The following TRUB1 variants were observed in gnomAD, a reference collection of about 807,000 sequenced individuals.
The protein encoded by TRUB1 is pseudouridylate synthase TRUB1.
A neutral mutation model predicts 33.9 loss-of-function variants in TRUB1; 23 were observed. That is an observed-to-expected ratio of 0.68 (90% CI 0.49 to 0.96). TRUB1 has a LOEUF of 0.96. Ranked by LOEUF, TRUB1 falls within the 40% of genes least tolerant of loss-of-function variation. The pLI is 0.00. For synonymous variants in TRUB1, 163 were observed against 165.4 expected (o/e 0.99, Z 0.11); for missense variants, 378 against 422.2 (o/e 0.90, Z 0.92).
intron 2 of TRUB1, among the ~76,000 whole-genome samples, chr10:114,946,837 G>C (rs2084213604): frequency 6.6e-6 from 1 of 152,098 alleles, no homozygotes; most frequent in South Asian, 2.1e-4. Context: ...GGGTTCACAA[G>C]TTTCTCAAAA....
chr10:114,958,752 A>G (rs2084272587), intron 3 of TRUB1, among the ~76,000 whole-genome samples: 1 of 152,252 alleles, frequency 6.6e-6, no homozygotes, highest in Non-Finnish European at 1.5e-5. Context: ...ACTAAGAATG[A>G]TCTAATTCTT....
chr10:114,945,584 C>A (rs2084207722), intron 2 of TRUB1, among the ~76,000 whole-genome samples: 1 of 152,206 alleles, frequency 6.6e-6, no homozygotes, highest in African/African-American at 2.4e-5. Context: ...CTTGTCCAAC[C>A]TTTGGCCTGT....
At chr10:114,945,782 A>C (rs1459263713) in intron 2 of TRUB1, among the ~76,000 whole-genome samples, 2 of 152,038 alleles carry the variant, frequency 1.3e-5, no homozygotes, top group African/African-American at 4.8e-5. Context: ...AAGATTGGAC[A>C]CTCTTGGCCT....
intron 4 of TRUB1, among the ~76,000 whole-genome samples, chr10:114,961,260 G>A (rs907498136): frequency 1.3e-5 from 2 of 152,006 alleles, no homozygotes; most frequent in Non-Finnish European, 2.9e-5. Context: ...TGGTAAGTTG[G>A]ACCAGGGTGC....
chr10:114,954,114 C>T (rs1479833495), intron 3 of TRUB1, among the ~76,000 whole-genome samples: 1 of 151,568 alleles, frequency 6.6e-6, no homozygotes, highest in Non-Finnish European at 1.5e-5. Flanking sequence ...GATCTAATGT[C>T]CACTTTTTCT....
intron 3 of TRUB1, among the ~76,000 whole-genome samples, chr10:114,957,915 A>C (rs1395349709): frequency 1.3e-5 from 2 of 152,224 alleles, no homozygotes; most frequent in Non-Finnish European, 2.9e-5. Context: ...CTGTAACCAG[A>C]TGAGTCAACT....
chr10:114,941,896 TG>T (rs980880229), intron 1 of TRUB1, among the ~76,000 whole-genome samples: 2 of 152,114 alleles, frequency 1.3e-5, no homozygotes, highest in African/African-American at 4.8e-5. Flanking sequence ...ACCATTCTCC[TG>T]CCTCAGCCTC....
intron 3 of TRUB1, among the ~76,000 whole-genome samples, chr10:114,953,240 A>G (rs1373903967): frequency 6.6e-6 from 1 of 152,234 alleles, no homozygotes; most frequent in African/African-American, 2.4e-5. Context: ...TGAATGTCAT[A>G]CAGTGAAATC....
rs1217611407 is a variant in TRUB1, at chr10:114,938,241, G to C, written c.-13G>C. 3 of 1,613,396 alleles carry C rather than the reference G, an allele frequency of 1.9e-6. No individual in the cohort carries two copies. The highest frequency in any genetic ancestry group is 4.5e-5 in the East Asian group (2 of 44,882). On this transcript the variant is annotated 5_prime_UTR_variant, in exon 1 of 8. Transcript: ENST00000298746. The stretch of plus-strand genomic sequence containing the variant: ...TGCACCTCCACGATGAAACAGGTCT[G>C]GGCTACAAAAGTATGGCCGCTTCTG...
At chr10:114,965,002 T>C (rs1283385024) in intron 4 of TRUB1, among the ~76,000 whole-genome samples, 1 of 151,420 alleles carries the variant, frequency 6.6e-6, no homozygotes, top group Non-Finnish European at 1.5e-5. Context: ...CAATCTTGGC[T>C]TACTGCAAGC....
intron 3 of TRUB1, among the ~76,000 whole-genome samples, chr10:114,953,905 C>G (rs1171367350): frequency 6.6e-6 from 1 of 152,124 alleles, no homozygotes; most frequent in Non-Finnish European, 1.5e-5. Context: ...GCAATTAATG[C>G]AGGATCCGCC....
chr10:114,946,061 C>T (rs2084209906), intron 2 of TRUB1, among the ~76,000 whole-genome samples: 1 of 152,130 alleles, frequency 6.6e-6, no homozygotes, highest in African/African-American at 2.4e-5. Flanking sequence ...GTTAGCAGTT[C>T]TGGAAACTTA....
At chr10:114,950,749 G>A (rs1257197283) in intron 2 of TRUB1, among the ~76,000 whole-genome samples, 1 of 152,172 alleles carries the variant, frequency 6.6e-6, no homozygotes, top group Non-Finnish European at 1.5e-5. Flanking sequence ...CTTGAACATG[G>A]TTAATTGTGC....
intron 6 of TRUB1, among the ~76,000 whole-genome samples, chr10:114,973,645 A>G (rs1448728577): frequency 1.3e-5 from 2 of 152,204 alleles, no homozygotes; most frequent in African/African-American, 4.8e-5. Flanking sequence ...AAAATAATGG[A>G]GAGCTCTGTT....
chr10:114,969,780 G>T (rs1347768503), intron 4 of TRUB1, among the ~76,000 whole-genome samples: 2 of 150,678 alleles, frequency 1.3e-5, no homozygotes, highest in African/African-American at 4.9e-5. Flanking sequence ...GAAGGGGGAG[G>T]CTGGGGCGGG....
intron 2 of TRUB1, among the ~76,000 whole-genome samples, chr10:114,949,153 A>G (rs1313933449): frequency 1.3e-5 from 2 of 152,022 alleles, no homozygotes; most frequent in South Asian, 2.1e-4. Context: ...TCTGTATTTT[A>G]TTTTCCTGAT....
At chr10:114,970,546 G>A (rs2084331311) in intron 5 of TRUB1, 106 bp downstream of exon 5, 1 of 863,158 alleles carries the variant, frequency 1.2e-6, no homozygotes, top group Non-Finnish European at 1.9e-6. Flanking sequence ...TGGCAAGGCA[G>A]GTTTTAAATC....
intron 1 of TRUB1, among the ~76,000 whole-genome samples, chr10:114,942,280 A>G (rs1268329056): frequency 6.6e-6 from 1 of 152,168 alleles, no homozygotes; most frequent in African/African-American, 2.4e-5. Flanking sequence ...GTATCTTTCT[A>G]TATAAAAATT....
intron 2 of TRUB1, 139 bp downstream of exon 2, chr10:114,942,882 G>T: frequency 1.7e-6 from 1 of 589,124 alleles, no homozygotes; most frequent in Non-Finnish European, 3.0e-6. Context: ...GATATATATA[G>T]TGCCATCTTT....
Sources: allele counts gnomAD v4.1 joint callset (sites outside exome capture counted in the v4.1 genomes callset), GRCh38; gene constraint gnomAD v4.1.1; transcripts MANE v1.5; gene names NCBI Gene and HGNC (gene_info 2026-07-23, HGNC 2026-07-21).